Variants in PPP3CC observed in about 807,000 individuals in gnomAD.
The protein encoded by PPP3CC is protein phosphatase 3 catalytic subunit gamma.
PPP3CC carries 35 observed loss-of-function variants against 60.3 expected under a neutral mutation model. The ratio of observed to expected loss-of-function variants is 0.58; its 90% CI spans 0.44 to 0.77. PPP3CC has a LOEUF of 0.77. PPP3CC is among the 30% of genes least tolerant of loss of function. The pLI is 0.00. For synonymous variants in PPP3CC, 206 were observed against 224.3 expected (o/e 0.92, Z 0.73); for missense variants, 570 against 628.9 (o/e 0.91, Z 1.00).
At chr8:22,519,954 C>G (rs1201838731) in intron 6 of PPP3CC, among the ~76,000 whole-genome samples, 1 of 152,150 alleles carries the variant, frequency 6.6e-6, no homozygotes, top group Non-Finnish European at 1.5e-5. Context: ...CTGTGGCCAG[C>G]TGCATCTTTT....
intron 1 of PPP3CC, among the ~76,000 whole-genome samples, chr8:22,471,032 G>A (rs925061284): frequency 2.0e-5 from 3 of 152,172 alleles, no homozygotes; most frequent in Non-Finnish European, 2.9e-5. Context: ...TAACGCAGTA[G>A]TGCTTAGCAT....
At chr8:22,483,043 A>G (rs1186490390) in intron 3 of PPP3CC, among the ~76,000 whole-genome samples, 1 of 152,224 alleles carries the variant, frequency 6.6e-6, no homozygotes, top group Non-Finnish European at 1.5e-5. Flanking sequence ...AATCATGTAC[A>G]GTGAAGGACA....
At chr8:22,511,002 A>T in intron 4 of PPP3CC, 84 bp from the exon 5 acceptor site, 1,740 of 729,104 alleles carry the variant, frequency 2.4e-3, no homozygotes, top group Non-Finnish European at 3.6e-3. Flanking sequence ...GCTCTAAAGT[A>T]GCTTCATATT....
chr8:22,493,804 C>T (rs1237874435), intron 3 of PPP3CC, among the ~76,000 whole-genome samples: 5 of 152,104 alleles, frequency 3.3e-5, no homozygotes, highest in Admixed American at 1.3e-4. Context: ...ATAGAAGGAA[C>T]AAACTTGAAA....
chr8:22,466,743 T>A (rs569377563), intron 1 of PPP3CC, among the ~76,000 whole-genome samples: 1 of 152,292 alleles, frequency 6.6e-6, no homozygotes, highest in East Asian at 1.9e-4. Flanking sequence ...ATGGGTAGAT[T>A]GCAAAAATTT....
At chr8:22,476,280 T>A (rs1194128455) in intron 3 of PPP3CC, among the ~76,000 whole-genome samples, 1 of 152,242 alleles carries the variant, frequency 6.6e-6, no homozygotes. Context: ...CTAGTTAATG[T>A]TCATTGATTC....
intron 6 of PPP3CC, among the ~76,000 whole-genome samples, chr8:22,517,249 A>G (rs938500619): frequency 4.6e-5 from 7 of 152,178 alleles, no homozygotes; most frequent in African/African-American, 1.7e-4. Context: ...TACTTTTAGT[A>G]TGTTGTTGAG....
intron 3 of PPP3CC, among the ~76,000 whole-genome samples, chr8:22,497,388 C>A (rs1448050285): frequency 6.6e-6 from 1 of 151,724 alleles, no homozygotes; most frequent in Non-Finnish European, 1.5e-5. Context: ...GCCTTGAACT[C>A]CTAGGCTCAA....
intron 1 of PPP3CC, among the ~76,000 whole-genome samples, chr8:22,448,223 G>A (rs922311442): frequency 6.6e-6 from 1 of 152,134 alleles, no homozygotes; most frequent in Non-Finnish European, 1.5e-5. Flanking sequence ...AAAAGGGCAG[G>A]AAGACTGTTC....
At chr8:22,503,232 C>G (rs564427809) in intron 4 of PPP3CC, among the ~76,000 whole-genome samples, 1 of 152,044 alleles carries the variant, frequency 6.6e-6, no homozygotes, top group Non-Finnish European at 1.5e-5. Context: ...TACTATCTGT[C>G]GTTTGGGAAC....
intron 3 of PPP3CC, among the ~76,000 whole-genome samples, chr8:22,495,619 C>T (rs757954413): frequency 2.0e-5 from 3 of 152,006 alleles, no homozygotes; most frequent in South Asian, 2.1e-4. Flanking sequence ...AGTGCAATGG[C>T]GCTATCTCGG....
At chr8:22,455,688 T>G (rs1837175183) in intron 1 of PPP3CC, among the ~76,000 whole-genome samples, 1 of 152,266 alleles carries the variant, frequency 6.6e-6, no homozygotes, top group South Asian at 2.1e-4. Context: ...TGGTTATTAC[T>G]TAGTTGGTTC....
At chr8:22,490,202 G>T (rs1351806015) in intron 3 of PPP3CC, among the ~76,000 whole-genome samples, 1 of 152,086 alleles carries the variant, frequency 6.6e-6, no homozygotes, top group Non-Finnish European at 1.5e-5. Context: ...ATGATATGGT[G>T]CTGTCCAGTG....
chr8:22,539,374 GC>G, intron 12 of PPP3CC, 94 bp from the exon 13 acceptor site: 2 of 1,329,902 alleles, frequency 1.5e-6, no homozygotes, highest in South Asian at 1.3e-5. Context: ...TAAAAAACGG[GC>G]CCCTGGGATG....
chr8:22,511,058 C>A, intron 4 of PPP3CC, 28 bp from the exon 5 acceptor site: 1 of 1,610,428 alleles, frequency 6.2e-7, no homozygotes, highest in Non-Finnish European at 8.5e-7. Flanking sequence ...TTTAGTTCTT[C>A]CATTGACTGG....
chr8:22,509,991 C>T (rs1244617387), intron 4 of PPP3CC, among the ~76,000 whole-genome samples: 2 of 151,798 alleles, frequency 1.3e-5, no homozygotes, highest in Non-Finnish European at 2.9e-5. Flanking sequence ...TGAGACCAGC[C>T]TGGCCAACAT....
At chr8:22,500,190 ATTT>A (rs2132517031) in intron 4 of PPP3CC, among the ~76,000 whole-genome samples, 1 of 152,258 alleles carries the variant, frequency 6.6e-6, no homozygotes, top group East Asian at 1.9e-4. Flanking sequence ...CGCCAAAAAA[ATTT>A]TTTATTTTTG....
intron 1 of PPP3CC, among the ~76,000 whole-genome samples, chr8:22,446,894 G>C (rs1273476843): frequency 6.7e-6 from 1 of 149,528 alleles, no homozygotes; most frequent in African/African-American, 2.5e-5. Context: ...GGGATTTGTA[G>C]TCATTTTGGA....
At chr8:22,443,245 A>G (rs571986386) in intron 1 of PPP3CC, among the ~76,000 whole-genome samples, 9 of 152,324 alleles carry the variant, frequency 5.9e-5, no homozygotes, top group Admixed American at 2.6e-4. Context: ...GGCTAGGGGC[A>G]GGCATGGTGG....
Sources: gnomAD v4.1 joint callset for allele counts (sites outside exome capture counted in the v4.1 genomes callset) on GRCh38, gnomAD v4.1.1 for gene constraint, MANE v1.5 for transcripts, NCBI Gene and HGNC (gene_info 2026-07-23, HGNC 2026-07-21) for gene names.